The following EFCAB12 variants were observed in gnomAD, a reference collection of about 807,000 sequenced individuals.
EFCAB12 encodes the protein EF-hand calcium binding domain 12.
Under a neutral mutation model 53.6 loss-of-function variants are expected in EFCAB12, and 43 were observed. That is an observed-to-expected ratio of 0.80 (90% CI 0.63 to 1.03). The LOEUF (loss-of-function observed/expected upper bound fraction) is 1.03, where lower values mean the gene tolerates loss of function less well. Ranked by LOEUF, EFCAB12 falls within the 50% of genes least tolerant of loss-of-function variation. The pLI is 0.00. For synonymous variants in EFCAB12, 269 were observed against 289.2 expected (o/e 0.93, Z 0.71); for missense variants, 646 against 730.6 (o/e 0.88, Z 1.34).
chr3:129,426,149 T>C (rs2072268063), intron 1 of EFCAB12, among the ~76,000 whole-genome samples: 4 of 152,144 alleles, frequency 2.6e-5, no homozygotes, highest in Admixed American at 2.6e-4. Context: ...GCCCCTCTTT[T>C]CCTGATTACT....
intron 6 of EFCAB12, among the ~76,000 whole-genome samples, chr3:129,406,531 C>T (rs1380263771): frequency 6.6e-6 from 1 of 152,166 alleles, no homozygotes; most frequent in Non-Finnish European, 1.5e-5. Flanking sequence ...GAGAAAGGGT[C>T]TTGCTCTGTC....
At chr3:129,403,355 C>T (rs967946219) in intron 7 of EFCAB12, 1 of 152,430 alleles carries the variant, frequency 6.6e-6, no homozygotes, top group Non-Finnish European at 1.5e-5. Context: ...GACACTCTTT[C>T]TCATCTGATC....
At chr3:129,404,038 G>A in intron 7 of EFCAB12, 1 of 529,388 alleles carries the variant, frequency 1.9e-6, no homozygotes. Context: ...TGTGGGAGCT[G>A]AGGCCAGCAG....
At chr3:129,421,983 C>A (rs924495605) in intron 1 of EFCAB12, among the ~76,000 whole-genome samples, 180 bp from the exon 2 acceptor site, 10 of 152,202 alleles carry the variant, frequency 6.6e-5, no homozygotes, top group African/African-American at 2.4e-4. Context: ...GTGCTCCCAA[C>A]AGCAGGCAGC....
intron 6 of EFCAB12, among the ~76,000 whole-genome samples, chr3:129,404,717 GGAC>G (rs978486024): frequency 1.6e-4 from 24 of 152,044 alleles, no homozygotes; most frequent in Non-Finnish European, 2.2e-4. Context: ...TTCATAACAA[GGAC>G]AACAAAGCCC....
At chr3:129,410,034 G>A (rs1469502461) in intron 5 of EFCAB12, among the ~76,000 whole-genome samples, 4 of 149,978 alleles carry the variant, frequency 2.7e-5, no homozygotes, top group South Asian at 2.1e-4. Context: ...TTAGAGACAC[G>A]GTCTCACTCT....
In EFCAB12 at chr3:129,415,254, C is replaced by T. The variant is rs377217753; in HGVS notation, c.829G>A (p.Ala277Thr). ...MAQQRSSLATAREHYILAKHR... is the reference protein window; with the variant it reads ...MAQQRSSLATTREHYILAKHR... Reference sequence around the variant, plus strand: ...GGGGAGGGGTACGCACGCTCCCTTGCAGTGGCCAGGCTGCTCCTTTGCTGA... The same window carrying T: ...GGGGAGGGGTACGCACGCTCCCTTGTAGTGGCCAGGCTGCTCCTTTGCTGA... Residue 277 changes from alanine to threonine, a missense_variant, in exon 4 of 9, where the codon GCA becomes ACA. By Grantham distance (58) the Ala-to-Thr change is moderately conservative (BLOSUM62 0). Transcript: ENST00000505956. 6.2e-7 allele frequency: 1 copy of T among 1,607,046 alleles called. No individual in the cohort carries two copies. The highest frequency in any genetic ancestry group is 1.1e-5 in the South Asian group (1 of 90,038).
intron 2 of EFCAB12, among the ~76,000 whole-genome samples, 159 bp downstream of exon 2, chr3:129,421,208 A>C (rs938330463): frequency 3.9e-5 from 6 of 152,262 alleles, no homozygotes; most frequent in African/African-American, 1.4e-4. Flanking sequence ...TTATGCAGCA[A>C]TAGATAACTA....
intron 6 of EFCAB12, 70 bp downstream of exon 6, chr3:129,408,575 T>G (rs907285680): frequency 3.6e-5 from 54 of 1,483,750 alleles, no homozygotes; most frequent in Middle Eastern, 2.0e-4. Flanking sequence ...GTGCCCTGGG[T>G]GGCATCACCC....
chr3:129,418,811 C>A (rs537126404), intron 2 of EFCAB12, among the ~76,000 whole-genome samples: 1 of 152,268 alleles, frequency 6.6e-6, no homozygotes, highest in Non-Finnish European at 1.5e-5. Context: ...CTCCCCATCC[C>A]CGCCCCCAGC....
intron 2 of EFCAB12, among the ~76,000 whole-genome samples, chr3:129,420,225 C>A (rs2072172135): frequency 6.6e-6 from 1 of 152,182 alleles, no homozygotes; most frequent in Non-Finnish European, 1.5e-5. Context: ...AGATGGAAAT[C>A]ATGTTTGAGT....
At chr3:129,411,059 C>G in intron 5 of EFCAB12, 99 bp downstream of exon 5, 1 of 1,366,524 alleles carries the variant, frequency 7.3e-7, no homozygotes, top group Non-Finnish European at 9.8e-7. Flanking sequence ...GACCCCCCTC[C>G]CCAGGGTTCT....
rs375539559 is a variant in EFCAB12 at position 129,404,340 on chromosome 3, G to T, written c.1313C>A (p.Pro438Gln). ...QMDKVCPIRQ[P>Q]GGYYSDWKVF... Reference sequence around the variant, plus strand: ...CTTCCAGTCAGAGTAGTAGCCTCCCGGCTGCCGGATGGGGCACACTTTGTC... The same window carrying T: ...CTTCCAGTCAGAGTAGTAGCCTCCCTGCTGCCGGATGGGGCACACTTTGTC... Residue 438 changes from proline to glutamine, a missense_variant, in exon 7 of 9, where the codon CCG (proline) becomes CAG (glutamine). By Grantham distance (76) the Pro-to-Gln change is moderately conservative. Coordinates refer to ENST00000505956, the MANE Select transcript of EFCAB12 (RefSeq NM_207307.3). 2 of 1,613,838 alleles carry T rather than the reference G, an allele frequency of 1.2e-6. No individual in the cohort carries two copies. Among genetic ancestry groups the T allele is most frequent in the African/African-American group, 2.7e-5 (2 of 74,944 alleles).
intron 5 of EFCAB12, 110 bp from the exon 6 acceptor site, chr3:129,408,968 T>C: frequency 8.0e-7 from 1 of 1,250,646 alleles, no homozygotes; most frequent in African/African-American, 1.5e-5. Context: ...GAGGTCCCCA[T>C]GAGGGGTGAT....
intron 3 of EFCAB12, among the ~76,000 whole-genome samples, chr3:129,416,584 T>C (rs1370821736): frequency 6.6e-6 from 1 of 152,228 alleles, no homozygotes; most frequent in Non-Finnish European, 1.5e-5. Flanking sequence ...AGAAAACTGA[T>C]AATAATTTAA....
chr3:129,424,221 T>G (rs551029150), intron 1 of EFCAB12, among the ~76,000 whole-genome samples: 1 of 152,246 alleles, frequency 6.6e-6, no homozygotes, highest in Non-Finnish European at 1.5e-5. Context: ...ACAAGGCCCA[T>G]GTGTTCCTTT....
Position 129,428,554 on chromosome 3 carries a change from C to A in EFCAB12, c.-66G>T, listed in dbSNP as rs187382408. ...ATGTGTGTCGATGTGGGCTTGCTTGCGTAGGGGTACCGGGGTATCAGATAA... is the reference window on the plus strand; with the variant it reads ...ATGTGTGTCGATGTGGGCTTGCTTGAGTAGGGGTACCGGGGTATCAGATAA... On this transcript the variant is annotated 5_prime_UTR_variant, in exon 1 of 9. Transcript: ENST00000505956. 5.2e-4 allele frequency: 817 copies of A among 1,564,242 alleles called. 4 individuals are homozygous for A. The African/African-American group carries it at 0.01, about 19-fold the overall frequency.
chr3:129,402,819 G>A (rs2071891456), intron 7 of EFCAB12: 1 of 511,942 alleles, frequency 2.0e-6, no homozygotes. Context: ...ACCTGGGCAA[G>A]TCACTTCCCC....
At chr3:129,402,701 A>G in intron 7 of EFCAB12, 122 bp from the exon 8 acceptor site, 5 of 947,378 alleles carry the variant, frequency 5.3e-6, no homozygotes, top group South Asian at 1.7e-5. Flanking sequence ...GAGCTCTGAA[A>G]GAAAAATGTC....
Sources: gnomAD v4.1 joint callset for allele counts (sites outside exome capture counted in the v4.1 genomes callset) on GRCh38, gnomAD v4.1.1 for gene constraint, MANE v1.5 for transcripts, NCBI Gene and HGNC (gene_info 2026-07-23, HGNC 2026-07-21) for gene names.